The following MYO9A variants were observed in gnomAD, a reference collection of about 807,000 sequenced individuals.
MYO9A encodes myosin IXA.
A neutral mutation model predicts 293.3 loss-of-function variants in MYO9A; 103 were observed. The observed-to-expected ratio is 0.35, with a 90% CI of 0.30 to 0.41. The LOEUF (loss-of-function observed/expected upper bound fraction) is 0.41. MYO9A is among the 10% of genes least tolerant of loss of function. The pLI, the probability that MYO9A is intolerant of heterozygous loss-of-function variation, is 1.00. For missense variants in MYO9A, 2,685 were observed against 3,033.0 expected, an observed-to-expected ratio of 0.89 and a Z score of 2.69; for synonymous variants, 1,001 against 1,035.7, an observed-to-expected ratio of 0.97 and a Z score of 0.64.
chr15:72,028,214 A>ATATATATATAT (rs1555408252), intron 3 of MYO9A, among the ~76,000 whole-genome samples: 1 of 37,550 alleles, frequency 2.7e-5, no homozygotes, highest in Admixed American at 3.3e-4. Flanking sequence ...TAAATAAATA[A>ATATATATATAT]ATAAATATAT....
intron 3 of MYO9A, among the ~76,000 whole-genome samples, chr15:72,028,234 T>TATATATAA (rs1555408307): frequency 6.9e-6 from 1 of 145,600 alleles, no homozygotes; most frequent in Non-Finnish European, 1.5e-5. Flanking sequence ...TATATATATA[T>TATATATAA]ATATAAATAT....
chr15:72,066,007 T>G (rs1432456260), intron 1 of MYO9A, among the ~76,000 whole-genome samples: 1 of 152,240 alleles, frequency 6.6e-6, no homozygotes, highest in Non-Finnish European at 1.5e-5. Flanking sequence ...TGAAATATGC[T>G]TGAACAACTG....
chr15:72,014,719 A>G (rs547729521), intron 6 of MYO9A, among the ~76,000 whole-genome samples: 7 of 151,498 alleles, frequency 4.6e-5, no homozygotes, highest in African/African-American at 9.7e-5. Flanking sequence ...AAGAAAAGAA[A>G]AGAAGAGAAG....
chr15:71,869,924 A>G (rs903224109), intron 32 of MYO9A, among the ~76,000 whole-genome samples: 18 of 152,194 alleles, frequency 1.2e-4, no homozygotes, highest in Non-Finnish European at 2.4e-4. Flanking sequence ...CTGCCTACTA[A>G]TATCCATTCT....
intron 1 of MYO9A, among the ~76,000 whole-genome samples, chr15:72,055,153 G>T (rs1330118952): frequency 6.6e-6 from 1 of 152,214 alleles, no homozygotes. Flanking sequence ...GGGCACAGTG[G>T]TGCGTGCCCA....
At chr15:72,041,127 C>G (rs904899829) in intron 2 of MYO9A, 1 of 644,282 alleles carries the variant, frequency 1.6e-6, no homozygotes. Context: ...TGCCTATAAT[C>G]CCACCTATTT....
At chr15:71,893,553 T>A (rs922934852) in intron 26 of MYO9A, 126 bp downstream of exon 26, 28 of 732,654 alleles carry the variant, frequency 3.8e-5, no homozygotes, top group Non-Finnish European at 5.9e-5. Context: ...GCTCATGGCT[T>A]CTTTCTCTAA....
At chr15:71,962,623 A>G (rs895956409) in intron 13 of MYO9A, among the ~76,000 whole-genome samples, 6 of 152,230 alleles carry the variant, frequency 3.9e-5, no homozygotes, top group African/African-American at 1.4e-4. Context: ...TATTTTACGT[A>G]ACTTATTTTT....
chr15:72,032,572 T>A lies in MYO9A; in HGVS notation c.857A>T (p.Lys286Met), dbSNP rs1167836481. Residue 286 changes from lysine to methionine, a missense_variant, in exon 3 of 42, where the codon AAG (lysine) becomes ATG (methionine). Coordinates refer to ENST00000356056, the MANE Select transcript of MYO9A (RefSeq NM_006901.4). ...ACTTGAATTGTTATTATGAGCTGTC[T>A]TTGCATTTCCAAAGGCCTGTCAAAA... is the stretch of plus-strand genomic sequence containing the variant. ...GPVLEAFGNA[K>M]TAHNNNSSRF... The A allele has an allele frequency of 1.3e-6, 2 of 1,595,546 alleles. No homozygotes were observed. The highest frequency in any genetic ancestry group is 1.7e-6 in the Non-Finnish European group (2 of 1,174,088).
intron 32 of MYO9A, among the ~76,000 whole-genome samples, chr15:71,870,981 A>G (rs1389473406): frequency 1.3e-5 from 2 of 152,192 alleles, no homozygotes; most frequent in African/African-American, 2.4e-5. Context: ...ACTATTAAAG[A>G]AAAAAAGCAT....
Position 72,032,634 on chromosome 15 carries a change from T to A in MYO9A, c.841-46A>T, listed in dbSNP as rs539504814. 7,150 of 1,027,278 alleles carry A rather than the reference T, an allele frequency of 7.0e-3. 75 individuals carry two copies. Among genetic ancestry groups the A allele is most frequent in the African/African-American group, 0.059 (3,534 of 60,370 alleles). The allele number at this position is 1,027,278 out of a possible 1,614,324, so 63.6% of individuals were successfully genotyped here. On this transcript the variant is annotated intron_variant, in intron 2 of 41. Transcript: ENST00000356056. Reference sequence around the variant, plus strand: ...CATTAGTTTCACTAAAAAAAAAAAATTTTTTTTTGGAGGGGGGATTAGGTC... The same window carrying A: ...CATTAGTTTCACTAAAAAAAAAAAAATTTTTTTTGGAGGGGGGATTAGGTC...
chr15:72,055,252 C>T (rs1484072456), intron 1 of MYO9A, among the ~76,000 whole-genome samples: 5 of 152,184 alleles, frequency 3.3e-5, no homozygotes, highest in South Asian at 2.1e-4. Flanking sequence ...AAGACCCCAT[C>T]TCTAAATAAA....
chr15:72,008,049 G>T, intron 7 of MYO9A, 97 bp from the exon 8 acceptor site: 1 of 1,393,468 alleles, frequency 7.2e-7, no homozygotes, highest in Non-Finnish European at 9.7e-7. Context: ...CTACAAATAT[G>T]AAGTATTTAG....
Position 71,956,352 on chromosome 15 carries a change from A to T in MYO9A, c.2182+3549T>A, listed in dbSNP as rs774847724. Among the ~76,000 whole-genome samples the T allele has an allele frequency of 9.0e-3, 579 of 64,586 alleles. 5 individuals are homozygous for T. Among genetic ancestry groups the T allele is most frequent in the South Asian group, 0.045 (89 of 1,994 alleles). The allele number at this position is 64,586 out of a possible 152,430, so 42.4% of individuals were successfully genotyped here. Reference sequence around the variant, plus strand: ...AAAAATATATATATATATATATATAAAATACGCCCAGCGTGGTGGCTCACG... The same window carrying T: ...AAAAATATATATATATATATATATATAATACGCCCAGCGTGGTGGCTCACG... On this transcript the variant is annotated intron_variant, in intron 14 of 41. Coordinates refer to ENST00000356056, the MANE Select transcript of MYO9A (RefSeq NM_006901.4).
At chr15:72,017,136 T>C (rs1353521298) in intron 6 of MYO9A, among the ~76,000 whole-genome samples, 2 of 146,512 alleles carry the variant, frequency 1.4e-5, no homozygotes, top group Non-Finnish European at 3.0e-5. Context: ...TCTGCCTGCC[T>C]CAGCCTCCTG....
At chr15:72,100,650 C>T (rs1000156947) in intron 1 of MYO9A, among the ~76,000 whole-genome samples, 3 of 151,442 alleles carry the variant, frequency 2.0e-5, no homozygotes, top group East Asian at 2.0e-4. Context: ...TGCCCCGCCA[C>T]GACCCCGTCT....
At chr15:72,072,429 C>A (rs2079223602) in intron 1 of MYO9A, among the ~76,000 whole-genome samples, 1 of 152,102 alleles carries the variant, frequency 6.6e-6, no homozygotes, top group Non-Finnish European at 1.5e-5. Flanking sequence ...CAGCGTCCAG[C>A]CAAAAGATAC....
intron 1 of MYO9A, among the ~76,000 whole-genome samples, chr15:72,070,302 A>T (rs2079151225): frequency 6.7e-6 from 1 of 148,672 alleles, no homozygotes; most frequent in Non-Finnish European, 1.5e-5. Flanking sequence ...AAAAAACAAA[A>T]AACTACCCAG....
rs1567169896 is a variant in MYO9A, at chr15:71,825,995, G to GTTTTGTTTTGTTTTTTTTTTTTTTTTTTT, written c.*584_*585insAAAAAAAAAAAAAAAAAAACAAAACAAAA. On this transcript the variant is annotated 3_prime_UTR_variant, in exon 42 of 42. Coordinates refer to ENST00000356056, the MANE Select transcript of MYO9A (RefSeq NM_006901.4). ...ATGGAAACAATCACGGTTTTTTTTTGTTTTTTTTTTTTTGTTTTTTTTTTT... is the reference window on the plus strand; with the variant it reads ...ATGGAAACAATCACGGTTTTTTTTTGTTTTGTTTTGTTTTTTTTTTTTTTTTTTTTTTTTTTTTTTTTGTTTTTTTTTTT... 1.1e-5 allele frequency: 1 copy of GTTTTGTTTTGTTTTTTTTTTTTTTTTTTT among 91,526 alleles called. No homozygotes were observed. Among genetic ancestry groups the GTTTTGTTTTGTTTTTTTTTTTTTTTTTTT allele is most frequent in the African/African-American group, 4.4e-5 (1 of 22,704 alleles). The allele number at this position is 91,526 out of a possible 1,614,324, so 5.7% of individuals were successfully genotyped here. A position where few individuals can be genotyped will look rare whatever the true frequency, so the allele number is the denominator to read the frequency against.
Sources: allele counts gnomAD v4.1 joint callset (sites outside exome capture counted in the v4.1 genomes callset), GRCh38; gene constraint gnomAD v4.1.1; transcripts MANE v1.5; gene names NCBI Gene and HGNC (gene_info 2026-07-23, HGNC 2026-07-21).